DOCK4: variants seen among roughly 807,000 people sequenced by gnomAD.
DOCK4 encodes the protein dedicator of cytokinesis 4.
A neutral mutation model predicts 268.1 loss-of-function variants in DOCK4; 97 were observed. The ratio of observed to expected loss-of-function variants is 0.36; its 90% CI spans 0.31 to 0.43. The LOEUF (loss-of-function observed/expected upper bound fraction) is 0.43. Among genes scored for constraint, DOCK4 ranks in the 20% least tolerant of loss-of-function variants. The probability of loss-of-function intolerance (pLI) is 1.00; values close to 1 mark genes in which losing one functional copy is unlikely to be tolerated. For missense variants in DOCK4, 2,145 were observed against 2,455.7 expected (o/e 0.87, Z 2.67); for synonymous variants, 954 against 887.2 (o/e 1.08, Z -1.34).
chr7:111,751,729 G>T (rs964696165), intron 42 of DOCK4, among the ~76,000 whole-genome samples: 1 of 152,068 alleles, frequency 6.6e-6, no homozygotes, highest in African/African-American at 2.4e-5. Context: ...ACAGGTATGA[G>T]CCGCCATGCC....
At chr7:111,791,276 T>TACACACAC (rs147004808) in intron 30 of DOCK4, among the ~76,000 whole-genome samples, 1,891 of 134,838 alleles carry the variant, frequency 0.014, 66 homozygotes, top group African/African-American at 0.054. Context: ...ATTTAAAAAA[T>TACACACAC]ACACACACAC....
chr7:111,778,541 C>T (rs962558408), intron 35 of DOCK4, among the ~76,000 whole-genome samples, 172 bp from the exon 36 acceptor site: 7 of 152,136 alleles, frequency 4.6e-5, no homozygotes, highest in African/African-American at 1.7e-4. Context: ...CAGTCATTTC[C>T]TAGCAATTAC....
intron 1 of DOCK4, among the ~76,000 whole-genome samples, chr7:112,161,039 AAT>A (rs1380126725): frequency 6.6e-6 from 1 of 152,312 alleles, no homozygotes; most frequent in Admixed American, 6.5e-5. Flanking sequence ...CATAGGCTTT[AAT>A]AATTAAGTTA....
chr7:112,066,995 C>CA (rs776060596), intron 1 of DOCK4, among the ~76,000 whole-genome samples: 2 of 148,960 alleles, frequency 1.3e-5, no homozygotes, highest in Non-Finnish European at 1.5e-5. Flanking sequence ...CACACACACA[C>CA]AAAAAAACCA....
intron 24 of DOCK4, 66 bp downstream of exon 24, chr7:111,846,933 C>T: frequency 1.3e-6 from 2 of 1,532,486 alleles, no homozygotes; most frequent in Non-Finnish European, 1.8e-6. Flanking sequence ...TCTTTGTAGA[C>T]TATTACAAGT....
At chr7:111,998,925 AAT>A (rs1289988984) in intron 3 of DOCK4, among the ~76,000 whole-genome samples, 1 of 152,134 alleles carries the variant, frequency 6.6e-6, no homozygotes, top group African/African-American at 2.4e-5. Context: ...TTCTCTTGAA[AAT>A]ATACATACAA....
chr7:112,202,209 G>A (rs1342782646), intron 1 of DOCK4, among the ~76,000 whole-genome samples: 1 of 152,228 alleles, frequency 6.6e-6, no homozygotes, highest in Non-Finnish European at 1.5e-5. Context: ...ATACCAAGCA[G>A]TGGAATTGTT....
At chr7:111,915,420 T>A (rs1792502677) in intron 13 of DOCK4, among the ~76,000 whole-genome samples, 1 of 152,194 alleles carries the variant, frequency 6.6e-6, no homozygotes, top group Non-Finnish European at 1.5e-5. Flanking sequence ...CACCAACATT[T>A]TCCATCAAGG....
At chr7:111,829,152 A>G (rs1802622963) in intron 26 of DOCK4, among the ~76,000 whole-genome samples, 1 of 152,184 alleles carries the variant, frequency 6.6e-6, no homozygotes, top group Non-Finnish European at 1.5e-5. Context: ...TGTACATACA[A>G]AACCCCAAGT....
chr7:111,765,098 T>C lies in DOCK4; in HGVS notation c.4020+20A>G. On this transcript the variant is annotated intron_variant, in intron 39 of 52. Coordinates refer to ENST00000428084, the MANE Select transcript of DOCK4 (RefSeq NM_001363540.2). Reference sequence around the variant, plus strand: ...TCTATATGAGAGCTGTGAAAGCAAATTAAATAGTATATTACTTACTCTTAA... The same window carrying C: ...TCTATATGAGAGCTGTGAAAGCAAACTAAATAGTATATTACTTACTCTTAA... The C allele has an allele frequency of 7.9e-7, 1 of 1,265,590 alleles. No homozygotes were observed. The highest frequency in any genetic ancestry group is 1.1e-6 in the Non-Finnish European group (1 of 927,432). 78.4% of individuals were successfully genotyped at this position (1,265,590 alleles called of 1,614,324 possible).
chr7:111,867,056 G>C (rs917618782), intron 22 of DOCK4, among the ~76,000 whole-genome samples: 1 of 152,144 alleles, frequency 6.6e-6, no homozygotes, highest in Non-Finnish European at 1.5e-5. Context: ...TTATATCCTT[G>C]CCCAGATGGA....
intron 22 of DOCK4, among the ~76,000 whole-genome samples, chr7:111,864,654 C>T (rs905755124): frequency 1.7e-4 from 26 of 152,152 alleles, no homozygotes; most frequent in Admixed American, 1.3e-3. Flanking sequence ...TCAAAATACT[C>T]CAGATGCTAT....
At chr7:111,747,485 A>G (rs1796352370) in intron 42 of DOCK4, 42 bp from the exon 43 acceptor site, 2 of 1,518,412 alleles carry the variant, frequency 1.3e-6, no homozygotes, top group Non-Finnish European at 1.8e-6. Context: ...AATTTGTGAC[A>G]TTCAAGAAGA....
chr7:111,963,499 C>T, intron 8 of DOCK4, among the ~76,000 whole-genome samples: 1 of 89,394 alleles, frequency 1.1e-5, no homozygotes, highest in Non-Finnish European at 2.0e-5. Flanking sequence ...CTTTTCAGAC[C>T]GGCTTAAGAA....
At chr7:111,741,936 T>G (rs1795945567) in intron 45 of DOCK4, 77 bp downstream of exon 45, 6 of 1,498,240 alleles carry the variant, frequency 4.0e-6, no homozygotes, top group Middle Eastern at 1.8e-4. Context: ...ATGTCACTAT[T>G]GGATACATCA....
At chr7:111,972,289 G>A (rs932747010) in intron 8 of DOCK4, among the ~76,000 whole-genome samples, 1 of 151,980 alleles carries the variant, frequency 6.6e-6, no homozygotes, top group Non-Finnish European at 1.5e-5. Flanking sequence ...TCAGAGGGCA[G>A]GCCTTGGGCC....
chr7:112,117,739 A>G (rs1812315932), intron 1 of DOCK4, among the ~76,000 whole-genome samples: 1 of 152,118 alleles, frequency 6.6e-6, no homozygotes, highest in Non-Finnish European at 1.5e-5. Context: ...CCTCATAAGT[A>G]CTGTGGTTTT....
At chr7:112,205,847 C>T (rs1821359164) in intron 1 of DOCK4, among the ~76,000 whole-genome samples, 2 of 152,286 alleles carry the variant, frequency 1.3e-5, no homozygotes, top group East Asian at 1.9e-4. Context: ...AGCTAGCGGG[C>T]CGGCCGCGCG....
chr7:111,983,860 G>GCACACACACACACACACACACACACACA (rs375791144), intron 7 of DOCK4, among the ~76,000 whole-genome samples: 264 of 128,868 alleles, frequency 2.0e-3, no homozygotes, highest in African/African-American at 3.5e-3. Flanking sequence ...GCGCGCGCGC[G>GCACACACACACACACACACACACACACA]CGCACACACA....
Sources: allele counts gnomAD v4.1 joint callset (sites outside exome capture counted in the v4.1 genomes callset), GRCh38; gene constraint gnomAD v4.1.1; transcripts MANE v1.5; gene names NCBI Gene and HGNC (gene_info 2026-07-23, HGNC 2026-07-21).